The following MINDY4 variants were observed in gnomAD, a reference collection of about 807,000 sequenced individuals.
MINDY4 encodes the protein probable ubiquitin carboxyl-terminal hydrolase MINDY-4.
In MINDY4, 68 loss-of-function variants were observed where a neutral mutation model predicts 87.0. That is an observed-to-expected ratio of 0.78 (90% confidence interval 0.64 to 0.96). The LOEUF is 0.96. Ranked by LOEUF, MINDY4 falls within the 40% of genes least tolerant of loss-of-function variation. The pLI, the probability that MINDY4 is intolerant of heterozygous loss-of-function variation, is 0.00. For missense variants in MINDY4, 919 were observed against 928.2 expected (o/e 0.99, Z 0.13); for synonymous variants, 379 against 363.2 (o/e 1.04, Z -0.50).
chr7:30,778,760 T>C (rs1235378938), intron 2 of MINDY4, among the ~76,000 whole-genome samples: 1 of 152,050 alleles, frequency 6.6e-6, no homozygotes, highest in Non-Finnish European at 1.5e-5. Context: ...CCCATTGGCG[T>C]GTTGTGTGTG....
chr7:30,883,501 T>C (rs1357593268), intron 17 of MINDY4, among the ~76,000 whole-genome samples: 2 of 152,120 alleles, frequency 1.3e-5, no homozygotes, highest in African/African-American at 4.8e-5. Flanking sequence ...GCCTCTGGCC[T>C]CAGAGGCAGG....
intron 5 of MINDY4, among the ~76,000 whole-genome samples, chr7:30,815,339 AC>A (rs1407869582): frequency 2.0e-5 from 3 of 152,314 alleles, no homozygotes; most frequent in Non-Finnish European, 2.9e-5. Context: ...CTCAGAGACC[AC>A]TGGGGAGGGA....
At chr7:30,855,068 CCA>C (rs1318144846) in intron 12 of MINDY4, among the ~76,000 whole-genome samples, 1 of 152,254 alleles carries the variant, frequency 6.6e-6, no homozygotes, top group Admixed American at 6.5e-5. Flanking sequence ...ACTCAGTAGG[CCA>C]ACTGCTGATG....
At chr7:30,797,547 T>A (rs1787525824) in intron 5 of MINDY4, among the ~76,000 whole-genome samples, 1 of 152,154 alleles carries the variant, frequency 6.6e-6, no homozygotes, top group Admixed American at 6.5e-5. Context: ...TGTTACTGAT[T>A]GAGGCTGGAC....
intron 5 of MINDY4, among the ~76,000 whole-genome samples, chr7:30,828,318 TTGTGTGTG>T (rs60396175): frequency 5.6e-4 from 83 of 147,992 alleles, no homozygotes; most frequent in African/African-American, 1.7e-3. Context: ...AGAACTCGAT[TTGTGTGTG>T]TGTGTGTGTG....
rs1281007704 is a variant in MINDY4 at position 30,858,714 on chromosome 7, C to T, written c.1678-543C>T. 11 of 197,082 alleles carry T rather than the reference C, an allele frequency of 5.6e-5. 1 individual carries two copies. The highest frequency in any genetic ancestry group is 2.6e-4 in the Admixed American group (5 of 18,896). 12.2% of individuals were successfully genotyped at this position (197,082 alleles called of 1,614,324 possible). ...TACATGGCTGCCTCCTTCGCCTCAC[C>T]AGATCCTGACTCTGCTCCAAACCTG... On this transcript the variant is annotated intron_variant, in intron 12 of 17. Transcript: ENST00000265299.
Position 30,813,456 on chromosome 7 carries a change from G to T in MINDY4, c.1074-15223G>T, listed in dbSNP as rs531533612. ...GTTGAGTGGCTGGATTCTCAGCCATGTCCAGCCCCTCAGTGAATGCCCTCA... is the reference window on the plus strand; with the variant it reads ...GTTGAGTGGCTGGATTCTCAGCCATTTCCAGCCCCTCAGTGAATGCCCTCA... On this transcript the variant is annotated intron_variant, in intron 5 of 17. Transcript: ENST00000265299. Among the ~76,000 whole-genome samples the T allele has an allele frequency of 3.9e-5, 6 of 152,296 alleles. No individual in the cohort carries two copies. In the South Asian group the frequency reaches 1.2e-3, roughly 32 times the overall value.
rs1017586776 is a variant in MINDY4 at position 30,884,751 on chromosome 7, C to T, written c.2225+1758C>T. On this transcript the variant is annotated intron_variant, in intron 17 of 17. Coordinates refer to ENST00000265299, the MANE Select transcript of MINDY4 (RefSeq NM_032222.3). ...TTCCACTGCATGACTCACCAAGCAC[C>T]TCCCAGCGTGGGCCCAGGATTGGAC... Among the ~76,000 whole-genome samples, 5 of 152,220 alleles carry T rather than the reference C, an allele frequency of 3.3e-5. No homozygotes were observed. In the East Asian group the frequency reaches 9.6e-4, roughly 29 times the overall value.
At chr7:30,890,176 C>T (rs1002807496) in intron 17 of MINDY4, among the ~76,000 whole-genome samples, 4 of 152,214 alleles carry the variant, frequency 2.6e-5, no homozygotes, top group Admixed American at 2.0e-4. Context: ...GCGTGTTTTC[C>T]AGCATCCACC....
chr7:30,831,111 G>A (rs1440405110), intron 6 of MINDY4, among the ~76,000 whole-genome samples: 3 of 152,176 alleles, frequency 2.0e-5, no homozygotes, highest in African/African-American at 7.2e-5. Context: ...TGGGATACTG[G>A]TGAGGGGCTC....
intron 5 of MINDY4, among the ~76,000 whole-genome samples, chr7:30,815,052 C>T (rs917199280): frequency 3.9e-5 from 6 of 152,182 alleles, no homozygotes; most frequent in Non-Finnish European, 7.4e-5. Flanking sequence ...CAGCTTACTT[C>T]CCTGACACGT....
At chr7:30,797,958 G>A (rs1255477647) in intron 5 of MINDY4, among the ~76,000 whole-genome samples, 4 of 152,170 alleles carry the variant, frequency 2.6e-5, no homozygotes, top group African/African-American at 7.2e-5. Context: ...TTTCAGAAGC[G>A]CATCCACATC....
chr7:30,885,478 C>T (rs534385958), intron 17 of MINDY4, among the ~76,000 whole-genome samples: 172 of 152,260 alleles, frequency 1.1e-3, no homozygotes, highest in Non-Finnish European at 1.8e-3. Flanking sequence ...TGCCATTGCA[C>T]GCCAGCCTGG....
chr7:30,818,867 T>C (rs905343744), intron 5 of MINDY4, among the ~76,000 whole-genome samples: 2 of 152,234 alleles, frequency 1.3e-5, no homozygotes, highest in Non-Finnish European at 2.9e-5. Context: ...GGTTTGAACT[T>C]ATTCATACTA....
intron 13 of MINDY4, among the ~76,000 whole-genome samples, chr7:30,859,822 C>CGG (rs1350917924): frequency 6.6e-6 from 1 of 152,176 alleles, no homozygotes; most frequent in East Asian, 1.9e-4. Flanking sequence ...GGTGGCAGGG[C>CGG]GGCTTGTCCT....
intron 5 of MINDY4, among the ~76,000 whole-genome samples, chr7:30,799,804 G>A (rs190335188): frequency 1.3e-5 from 2 of 152,286 alleles, no homozygotes; most frequent in Admixed American, 6.5e-5. Context: ...TAATTTGTTG[G>A]GGGCATGCTC....
Position 30,778,536 on chromosome 7 carries a change from C to T in MINDY4, c.168C>T (p.Leu56=). The T allele has an allele frequency of 6.2e-7, 1 of 1,614,204 alleles. No homozygotes were observed. Among genetic ancestry groups the T allele is most frequent in the East Asian group, 2.2e-5 (1 of 44,890 alleles). ...DLRKVLHLEF[L]YKENKAKENP... ...GAAAGGTTTTGCATCTTGAATTTCT[C>T]TATAAGGAGAACAAGGTATGTGCTT... Residue 56 remains leucine, a synonymous_variant, in exon 2 of 18, where the codon CTC becomes CTT. Coordinates refer to ENST00000265299, the MANE Select transcript of MINDY4 (RefSeq NM_032222.3).
At chr7:30,800,381 A>G (rs1046869649) in intron 5 of MINDY4, among the ~76,000 whole-genome samples, 2 of 152,200 alleles carry the variant, frequency 1.3e-5, no homozygotes, top group Non-Finnish European at 2.9e-5. Context: ...CCATCATGAC[A>G]TGTGCAGCCC....
At chr7:30,886,941 T>C (rs1352726238) in intron 17 of MINDY4, among the ~76,000 whole-genome samples, 1 of 152,186 alleles carries the variant, frequency 6.6e-6, no homozygotes, top group African/African-American at 2.4e-5. Flanking sequence ...CTCTCATGCT[T>C]CCAGCCTGGC....
Sources: allele counts gnomAD v4.1 joint callset (sites outside exome capture counted in the v4.1 genomes callset), GRCh38; gene constraint gnomAD v4.1.1; transcripts MANE v1.5; gene names NCBI Gene and HGNC (gene_info 2026-07-23, HGNC 2026-07-21).